Variants in RPAP2 observed in about 807,000 individuals in gnomAD.
RPAP2 encodes the protein RNA polymerase II associated protein 2, also known as putative RNA polymerase II subunit B1 CTD phosphatase RPAP2.
In RPAP2, 52 loss-of-function variants were observed where a neutral mutation model predicts 73.1. The ratio of observed to expected loss-of-function variants is 0.71; its 90% confidence interval spans 0.57 to 0.90. RPAP2 has a LOEUF of 0.90. Ranked by LOEUF, RPAP2 falls within the 40% of genes least tolerant of loss-of-function variation. The pLI, the probability that RPAP2 is intolerant of heterozygous loss-of-function variation, is 0.00. For missense variants in RPAP2, 598 were observed against 701.8 expected, an observed-to-expected ratio of 0.85 and a Z score of 1.67; for synonymous variants, 225 against 242.1, an observed-to-expected ratio of 0.93 and a Z score of 0.65.
intron 11 of RPAP2, among the ~76,000 whole-genome samples, chr1:92,371,868 G>T (rs1655167955): frequency 6.9e-6 from 1 of 145,078 alleles, no homozygotes; most frequent in Non-Finnish European, 1.5e-5. Context: ...CTCCATCCTG[G>T]GTGACAGTGA....
At chr1:92,380,951 A>C (rs548602701) in intron 12 of RPAP2, 78 bp downstream of exon 12, 4 of 1,306,698 alleles carry the variant, frequency 3.1e-6, no homozygotes, top group Non-Finnish European at 4.1e-6. Flanking sequence ...TTTAATTGGA[A>C]ATTGTAAAAA....
intron 8 of RPAP2, among the ~76,000 whole-genome samples, chr1:92,324,908 G>T (rs1171471525): frequency 6.6e-6 from 1 of 152,170 alleles, no homozygotes; most frequent in Non-Finnish European, 1.5e-5. Flanking sequence ...ACCTAGATTT[G>T]AACATCTGTT....
chr1:92,357,232 GT>G (rs1159804332), intron 11 of RPAP2, among the ~76,000 whole-genome samples: 1 of 152,082 alleles, frequency 6.6e-6, no homozygotes, highest in Non-Finnish European at 1.5e-5. Context: ...CCTACTGGAG[GT>G]TGAGGAAAGG....
intron 10 of RPAP2, among the ~76,000 whole-genome samples, chr1:92,339,092 A>G (rs6657876): frequency 0.048 from 7,358 of 152,186 alleles, 614 homozygotes; most frequent in African/African-American, 0.17. Flanking sequence ...TAGCAATTTA[A>G]TTTACTTTGT....
In RPAP2 at chr1:92,390,075, C is replaced by T. The variant is rs1003603744; in HGVS notation, c.*3064C>T. The stretch of plus-strand genomic sequence containing the variant: ...CAAAGATACTCCTCAAGAAGAGCAA[C>T]CCCAAGACACATAATTGTCAGATTC... On this transcript the variant is annotated 3_prime_UTR_variant, in exon 13 of 13. Coordinates refer to ENST00000610020, the MANE Select transcript of RPAP2 (RefSeq NM_024813.3). 1 of 152,126 alleles carries T rather than the reference C, an allele frequency of 6.6e-6. No homozygotes were observed. Among genetic ancestry groups the T allele is most frequent in the African/African-American group, 2.4e-5 (1 of 41,426 alleles). 9.4% of individuals were successfully genotyped at this position (152,126 alleles called of 1,614,324 possible).
chr1:92,301,206 G>A (rs1011287622), intron 2 of RPAP2, among the ~76,000 whole-genome samples: 4 of 152,160 alleles, frequency 2.6e-5, no homozygotes, highest in African/African-American at 4.8e-5. Context: ...AAATTTGGCC[G>A]GATGTGGTGG....
Position 92,394,206 on chromosome 1 carries a change from C to T in RPAP2, c.*7195C>T, listed in dbSNP as rs1333377136. 6.6e-6 allele frequency: 1 copy of T among 152,126 alleles called. No individual in the cohort carries two copies. The highest frequency in any genetic ancestry group is 1.5e-5 in the Non-Finnish European group (1 of 68,056). The allele number at this position is 152,126 out of a possible 1,614,324, so 9.4% of individuals were successfully genotyped here. A position where few individuals can be genotyped will look rare whatever the true frequency, so the allele number is the denominator to read the frequency against. On this transcript the variant is annotated 3_prime_UTR_variant, in exon 13 of 13. Coordinates refer to ENST00000610020, the MANE Select transcript of RPAP2 (RefSeq NM_024813.3). ...ATGGATAAAGCCGGAAACCATCATT[C>T]TCAGCAAACTATCACAAGATCAGAA...
Position 92,389,886 on chromosome 1 carries a change from G to A in RPAP2, c.*2875G>A, listed in dbSNP as rs1557638911. 1.3e-5 allele frequency: 2 copies of A among 152,200 alleles called. No individual in the cohort carries two copies. The highest frequency in any genetic ancestry group is 2.4e-5 in the African/African-American group (1 of 41,444). The allele number at this position is 152,200 out of a possible 1,614,324, so 9.4% of individuals were successfully genotyped here. On this transcript the variant is annotated 3_prime_UTR_variant, in exon 13 of 13. Coordinates refer to ENST00000610020, the MANE Select transcript of RPAP2 (RefSeq NM_024813.3). The stretch of plus-strand genomic sequence containing the variant: ...AATGAACAAAGCCTCCAAGAAATAT[G>A]AGACTATGTGAAAAGACCAAATCTA...
chr1:92,371,082 G>A (rs1338565272), intron 11 of RPAP2, among the ~76,000 whole-genome samples: 1 of 151,994 alleles, frequency 6.6e-6, no homozygotes, highest in Non-Finnish European at 1.5e-5. Context: ...CAAGGTGGGT[G>A]GATCATGAGG....
At chr1:92,336,569 TA>T in intron 10 of RPAP2, 142 bp downstream of exon 10, 1 of 598,204 alleles carries the variant, frequency 1.7e-6, no homozygotes, top group South Asian at 2.2e-5. Context: ...TCTCCTCCAC[TA>T]AACAACATTA....
intron 3 of RPAP2, among the ~76,000 whole-genome samples, chr1:92,302,589 A>C (rs1650928818): frequency 1.1e-5 from 1 of 92,268 alleles, no homozygotes; most frequent in Non-Finnish European, 2.3e-5. Context: ...TTCCGCATTA[A>C]ATTTTTTTTT....
chr1:92,372,177 C>G (rs970858233), intron 11 of RPAP2, among the ~76,000 whole-genome samples: 2 of 152,018 alleles, frequency 1.3e-5, no homozygotes, highest in Non-Finnish European at 1.5e-5. Flanking sequence ...TTGCTTCTTC[C>G]CTTGGCCAAG....
At chr1:92,331,796 C>G (rs1652986412) in intron 8 of RPAP2, among the ~76,000 whole-genome samples, 1 of 152,100 alleles carries the variant, frequency 6.6e-6, no homozygotes. Flanking sequence ...TGCCTTGTGC[C>G]TGAAGAATAT....
At chr1:92,373,081 T>C (rs1395727514) in intron 11 of RPAP2, among the ~76,000 whole-genome samples, 1 of 152,246 alleles carries the variant, frequency 6.6e-6, no homozygotes, top group Non-Finnish European at 1.5e-5. Context: ...GTCATTGTCC[T>C]CATGACGTTC....
chr1:92,302,640 C>A (rs1342457792), intron 3 of RPAP2, among the ~76,000 whole-genome samples: 1 of 111,272 alleles, frequency 9.0e-6, no homozygotes, highest in Non-Finnish European at 1.7e-5. Flanking sequence ...CTCACTCTGT[C>A]GCCCAGGCTG....
intron 10 of RPAP2, among the ~76,000 whole-genome samples, chr1:92,338,765 A>C (rs1421349762): frequency 6.6e-6 from 1 of 150,930 alleles, no homozygotes; most frequent in Non-Finnish European, 1.5e-5. Flanking sequence ...CAGCCTGGCT[A>C]ATTTTTTTTT....
At chr1:92,373,502 A>G (rs1373361911) in intron 11 of RPAP2, among the ~76,000 whole-genome samples, 2 of 152,054 alleles carry the variant, frequency 1.3e-5, no homozygotes, top group African/African-American at 4.8e-5. Context: ...CTAGAGCTAA[A>G]CGGTTCCTTT....
chr1:92,321,551 A>G (rs1652265269), intron 7 of RPAP2, among the ~76,000 whole-genome samples: 1 of 151,630 alleles, frequency 6.6e-6, no homozygotes, highest in South Asian at 2.1e-4. Context: ...TAAAGTTTTG[A>G]TAGTGTCTGT....
At chr1:92,325,439 A>G (rs1359579613) in intron 8 of RPAP2, among the ~76,000 whole-genome samples, 1 of 152,150 alleles carries the variant, frequency 6.6e-6, no homozygotes, top group African/African-American at 2.4e-5. Flanking sequence ...TAGGAGAAAC[A>G]TTGATCTCTG....
Sources: allele counts gnomAD v4.1 joint callset (sites outside exome capture counted in the v4.1 genomes callset), GRCh38; gene constraint gnomAD v4.1.1; transcripts MANE v1.5; gene names NCBI Gene and HGNC (gene_info 2026-07-23, HGNC 2026-07-21).